The following RFTN1 variants were observed in gnomAD, a reference collection of about 807,000 sequenced individuals.
RFTN1 encodes the protein raftlin.
In RFTN1, 26 loss-of-function variants were observed where a neutral mutation model predicts 46.5. That is an observed-to-expected ratio of 0.56 (90% CI 0.41 to 0.78). The LOEUF is 0.78. Ranked by LOEUF, RFTN1 falls within the 30% of genes least tolerant of loss-of-function variation. The pLI is 0.00. For missense variants in RFTN1, 693 were observed against 718.7 expected (o/e 0.96, Z 0.41); for synonymous variants, 261 against 284.2 (o/e 0.92, Z 0.82).
chr3:16,414,992 T>C (rs1402500379), intron 3 of RFTN1, among the ~76,000 whole-genome samples: 1 of 151,892 alleles, frequency 6.6e-6, no homozygotes, highest in African/African-American at 2.4e-5. Flanking sequence ...CCGTGGAGGG[T>C]GTGGAACAGA....
rs1158825645 is a variant in RFTN1 at position 16,484,603 on chromosome 3, G to C, written c.145+9122C>G. The C allele has an allele frequency of 6.6e-6, 1 of 152,208 alleles. No individual in the cohort carries two copies. Among genetic ancestry groups the C allele is most frequent in the Non-Finnish European group, 1.5e-5 (1 of 68,042 alleles). 9.4% of individuals were successfully genotyped at this position (152,208 alleles called of 1,614,324 possible). A position where few individuals can be genotyped will look rare whatever the true frequency, so the allele number is the denominator to read the frequency against. On this transcript the variant is annotated intron_variant, in intron 2 of 9. Coordinates refer to ENST00000334133, the MANE Select transcript of RFTN1 (RefSeq NM_015150.2). The surrounding 1 kb of genome is among the most constrained non-coding windows in gnomAD (Gnocchi z 4.6). Reference sequence around the variant, plus strand: ...TGCGTGTCATGGGAATGTCTTATAAGGAGGAACTTAAGAATAGAAATAGAA... The same window carrying C: ...TGCGTGTCATGGGAATGTCTTATAACGAGGAACTTAAGAATAGAAATAGAA...
rs2075810039 is a variant in RFTN1, at chr3:16,450,771, C to CTTTT, written c.146-16735_146-16734insAAAA. Reference sequence around the variant, plus strand: ...TTTTCATCAGACCCTGTTCTCAAGTCTCTTTCTTTCTTTTTTTTTTCCATC... The same window carrying CTTTT: ...TTTTCATCAGACCCTGTTCTCAAGTCTTTTTCTTTCTTTCTTTTTTTTTTCCATC... On this transcript the variant is annotated intron_variant, in intron 2 of 9. Coordinates refer to ENST00000334133, the MANE Select transcript of RFTN1 (RefSeq NM_015150.2). The surrounding 1 kb of genome is among the most constrained non-coding windows in gnomAD (Gnocchi z 4.6). 6.6e-6 allele frequency among the ~76,000 whole-genome samples: 1 copy of CTTTT among 152,228 alleles called. No individual in the cohort carries two copies. Among genetic ancestry groups the CTTTT allele is most frequent in the South Asian group, 2.1e-4 (1 of 4,822 alleles).
In RFTN1 at chr3:16,442,421, C is replaced by CA. The variant is rs368727945; in HGVS notation, c.146-8385dup. On this transcript the variant is annotated intron_variant, in intron 2 of 9. Coordinates refer to ENST00000334133, the MANE Select transcript of RFTN1 (RefSeq NM_015150.2). The surrounding 1 kb of genome is among the most constrained non-coding windows in gnomAD (Gnocchi z 4.1). Reference sequence around the variant, plus strand: ...CCTAGCAATCAATAACATGCTTTCACAAAAAAAAACTATTCTTTTTTTAAA... The same window carrying CA: ...CCTAGCAATCAATAACATGCTTTCACAAAAAAAAAACTATTCTTTTTTTAAA... Among the ~76,000 whole-genome samples the CA allele has an allele frequency of 4.8e-4, 72 of 150,744 alleles. No individual in the cohort carries two copies. Among genetic ancestry groups the CA allele is most frequent in the South Asian group, 1.7e-3 (8 of 4,764 alleles).
Position 16,446,258 on chromosome 3 carries a change from C to A in RFTN1, c.146-12221G>T, listed in dbSNP as rs913468587. ...ATAATGAGTCCTGGAAAAGAGTCAG[C>A]CAGTGTAAAGCTCAGAGGAAACCTA... On this transcript the variant is annotated intron_variant, in intron 2 of 9. Coordinates refer to ENST00000334133, the MANE Select transcript of RFTN1 (RefSeq NM_015150.2). The surrounding 1 kb of genome is among the most constrained non-coding windows in gnomAD (Gnocchi z 4.5). Among the ~76,000 whole-genome samples, 5 of 151,474 alleles carry A rather than the reference C, an allele frequency of 3.3e-5. No individual in the cohort carries two copies. The highest frequency in any genetic ancestry group is 1.2e-4 in the African/African-American group (5 of 41,130).
chr3:16,406,167 A>G (rs977070231), intron 4 of RFTN1, among the ~76,000 whole-genome samples: 2 of 152,212 alleles, frequency 1.3e-5, no homozygotes, highest in African/African-American at 4.8e-5. Context: ...TTGGAGAGGT[A>G]CGTGGAATTG....
intron 2 of RFTN1, among the ~76,000 whole-genome samples, chr3:16,455,287 G>A (rs1280701709): frequency 1.3e-5 from 2 of 152,182 alleles, no homozygotes; most frequent in African/African-American, 2.4e-5. Context: ...TTCAGGGGGT[G>A]AGGAATACCA....
intron 5 of RFTN1, among the ~76,000 whole-genome samples, chr3:16,371,381 A>C (rs2073493028): frequency 6.6e-6 from 1 of 152,114 alleles, no homozygotes; most frequent in Non-Finnish European, 1.5e-5. Context: ...TTTTTAATTG[A>C]CTCACTTTCC....
At chr3:16,397,285 G>T (rs1442824644) in intron 4 of RFTN1, among the ~76,000 whole-genome samples, 1 of 142,926 alleles carries the variant, frequency 7.0e-6, no homozygotes, top group Non-Finnish European at 1.5e-5. Flanking sequence ...CTTATATGTG[G>T]AATCAAAAAA....
At chr3:16,375,448 T>C (rs1420154976) in intron 5 of RFTN1, among the ~76,000 whole-genome samples, 1 of 151,860 alleles carries the variant, frequency 6.6e-6, no homozygotes, top group Non-Finnish European at 1.5e-5. Context: ...GCCATAAAGC[T>C]GTTGTGAGGA....
In RFTN1 at chr3:16,451,426, A is replaced by G. The variant is rs559629961; in HGVS notation, c.146-17389T>C. On this transcript the variant is annotated intron_variant, in intron 2 of 9. Transcript: ENST00000334133. This position sits in a 1 kb window ranked among gnomAD's most constrained non-coding sequence, Gnocchi z 4.2. Reference sequence around the variant, plus strand: ...CTTTCTGCTTCATTAGCTGGCTTGTAGGCTAACCAACAGCTGGCTAGGTGT... The same window carrying G: ...CTTTCTGCTTCATTAGCTGGCTTGTGGGCTAACCAACAGCTGGCTAGGTGT... Among the ~76,000 whole-genome samples, 2 of 152,346 alleles carry G rather than the reference A, an allele frequency of 1.3e-5. No individual in the cohort carries two copies. Among genetic ancestry groups the G allele is most frequent in the African/African-American group, 4.8e-5 (2 of 41,584 alleles).
chr3:16,441,772 C>T lies in RFTN1; in HGVS notation c.146-7735G>A, dbSNP rs577613559. 3.9e-5 allele frequency among the ~76,000 whole-genome samples: 6 copies of T among 152,336 alleles called. No individual in the cohort carries two copies. In the South Asian group the frequency reaches 1.0e-3, roughly 26 times the overall value. ...AACATGAGACAGACACCAATTCCCT[C>T]GGGAAATTTCCCTCACAGGTGAAGC... On this transcript the variant is annotated intron_variant, in intron 2 of 9. Coordinates refer to ENST00000334133, the MANE Select transcript of RFTN1 (RefSeq NM_015150.2).
At chr3:16,355,233 ACTTTCAAGTATT>A (rs1422045692) in intron 7 of RFTN1, among the ~76,000 whole-genome samples, 1 of 152,158 alleles carries the variant, frequency 6.6e-6, no homozygotes, top group African/African-American at 2.4e-5. Flanking sequence ...TCATTTCTAC[ACTTTCAAGTATT>A]TGTTATAGCA....
At chr3:16,377,234 C>T (rs2073810726) in intron 5 of RFTN1, among the ~76,000 whole-genome samples, 1 of 151,990 alleles carries the variant, frequency 6.6e-6, no homozygotes, top group African/African-American at 2.4e-5. Context: ...GTGGGTAAGT[C>T]CACCTGGGTT....
chr3:16,417,609 T>C (rs1162652516), intron 3 of RFTN1, among the ~76,000 whole-genome samples: 1 of 152,138 alleles, frequency 6.6e-6, no homozygotes, highest in Non-Finnish European at 1.5e-5. Context: ...TACCTGGAGA[T>C]CTTCACTCAC....
chr3:16,365,795 C>A (rs1277718020), intron 6 of RFTN1, among the ~76,000 whole-genome samples: 1 of 151,814 alleles, frequency 6.6e-6, no homozygotes. Context: ...ATCAATGACA[C>A]CATGAGCCCT....
rs1473133143 is a variant in RFTN1, at chr3:16,451,366, G to A, written c.146-17329C>T. Among the ~76,000 whole-genome samples, 2 of 152,122 alleles carry A rather than the reference G, an allele frequency of 1.3e-5. No homozygotes were observed. Among genetic ancestry groups the A allele is most frequent in the Non-Finnish European group, 2.9e-5 (2 of 68,024 alleles). On this transcript the variant is annotated intron_variant, in intron 2 of 9. Transcript: ENST00000334133. This position sits in a 1 kb window ranked among gnomAD's most constrained non-coding sequence, Gnocchi z 4.2. ...GTAGATGCCCCTGCATGCTGGACACGAAGTCTAATAGGGCACTCTCCAGTA... is the reference window on the plus strand; with the variant it reads ...GTAGATGCCCCTGCATGCTGGACACAAAGTCTAATAGGGCACTCTCCAGTA...
At chr3:16,386,830 T>C (rs1307577272) in intron 4 of RFTN1, among the ~76,000 whole-genome samples, 2 of 151,984 alleles carry the variant, frequency 1.3e-5, no homozygotes, top group African/African-American at 4.8e-5. Flanking sequence ...GCAGAGCTCA[T>C]GGGAAAGGTC....
intron 4 of RFTN1, among the ~76,000 whole-genome samples, chr3:16,398,780 T>G (rs972658160): frequency 6.6e-6 from 1 of 152,198 alleles, no homozygotes; most frequent in Non-Finnish European, 1.5e-5. Context: ...CACCTTGAGA[T>G]GACAGAGTGT....
At chr3:16,467,756 G>C (rs1304226573) in intron 2 of RFTN1, among the ~76,000 whole-genome samples, 1 of 152,326 alleles carries the variant, frequency 6.6e-6, no homozygotes, top group East Asian at 1.9e-4. Context: ...ACAAAGTTCA[G>C]TTGAAGAAAG....
Sources: gnomAD v4.1 joint callset for allele counts (sites outside exome capture counted in the v4.1 genomes callset) on GRCh38, gnomAD v4.1.1 for gene constraint, Gnocchi (gnomAD v3.1) non-coding constraint, MANE v1.5 for transcripts, NCBI Gene and HGNC (gene_info 2026-07-23, HGNC 2026-07-21) for gene names.